Variants in WWC1 observed in about 807,000 individuals in gnomAD.
WWC1 encodes the protein protein KIBRA.
In WWC1, 55 loss-of-function variants were observed where a neutral mutation model predicts 138.4. The ratio of observed to expected loss-of-function variants is 0.40; its 90% CI spans 0.32 to 0.50. The LOEUF is 0.50. Among genes scored for constraint, WWC1 ranks in the 20% least tolerant of loss-of-function variants. The pLI is 0.72. For synonymous variants in WWC1, 524 were observed against 564.9 expected, an observed-to-expected ratio of 0.93 and a Z score of 1.03; for missense variants, 1,226 against 1,420.4, an observed-to-expected ratio of 0.86 and a Z score of 2.20.
At chr5:168,459,807 C>A (rs1295276510) in intron 19 of WWC1, among the ~76,000 whole-genome samples, 2 of 152,154 alleles carry the variant, frequency 1.3e-5, no homozygotes, top group Non-Finnish European at 2.9e-5. Flanking sequence ...GACACACAAG[C>A]ACAATAGCAT....
intron 15 of WWC1, among the ~76,000 whole-genome samples, chr5:168,438,669 G>A (rs1561767135): frequency 6.6e-6 from 1 of 151,866 alleles, no homozygotes; most frequent in Non-Finnish European, 1.5e-5. Context: ...ACACTGGTGT[G>A]TTAGGGGAAG....
At chr5:168,346,173 C>T (rs1231664141) in intron 1 of WWC1, among the ~76,000 whole-genome samples, 2 of 151,870 alleles carry the variant, frequency 1.3e-5, no homozygotes, top group African/African-American at 2.4e-5. Flanking sequence ...TGTCTGATGT[C>T]GAAAGGAAGG....
intron 15 of WWC1, among the ~76,000 whole-genome samples, chr5:168,434,750 G>A (rs1353910142): frequency 2.6e-5 from 4 of 152,048 alleles, no homozygotes; most frequent in Admixed American, 6.6e-5. Flanking sequence ...TCCCAATATC[G>A]CAGGCAACAG....
At chr5:168,369,895 ATTTTTTTTTT>A (rs35999257) in intron 1 of WWC1, among the ~76,000 whole-genome samples, 6 of 89,010 alleles carry the variant, frequency 6.7e-5, no homozygotes, top group African/African-American at 9.6e-5. Context: ...TCATTGTGCA[ATTTTTTTTTT>A]TTTTTTTTTT....
rs1769077409 is a variant in WWC1 at position 168,291,859 on chromosome 5, C to T, written c.-294C>T. On this transcript the variant is annotated 5_prime_UTR_variant, in exon 1 of 23. Transcript: ENST00000265293. ...GGCGGCGGCGGCGGCGCTCGGCTCGCTCTGCCCGGCCGGCTGGGCGCGCAC... is the reference window on the plus strand; with the variant it reads ...GGCGGCGGCGGCGGCGCTCGGCTCGTTCTGCCCGGCCGGCTGGGCGCGCAC... The T allele has an allele frequency of 6.7e-6, 1 of 149,116 alleles. No individual in the cohort carries two copies. Among genetic ancestry groups the T allele is most frequent in the African/African-American group, 2.4e-5 (1 of 40,946 alleles). 9.2% of individuals were successfully genotyped at this position (149,116 alleles called of 1,614,324 possible).
At chr5:168,371,638 C>A in intron 2 of WWC1, 105 bp downstream of exon 2, 1 of 706,908 alleles carries the variant, frequency 1.4e-6, no homozygotes, top group Non-Finnish European at 2.4e-6. Flanking sequence ...CTCTTGGAGC[C>A]AGATTGTATT....
At chr5:168,301,633 C>T (rs79027789) in intron 1 of WWC1, among the ~76,000 whole-genome samples, 40,594 of 144,930 alleles carry the variant, frequency 0.28, 5,868 homozygotes, top group Admixed American at 0.36. Flanking sequence ...AGCAAAACTT[C>T]GTCTCAAAAA....
chr5:168,314,205 G>A (rs1480574279), intron 1 of WWC1, among the ~76,000 whole-genome samples: 3 of 141,444 alleles, frequency 2.1e-5, no homozygotes, highest in Non-Finnish European at 4.7e-5. Flanking sequence ...AGGAACTGGA[G>A]TCTACAATAA....
At chr5:168,441,557 T>A in intron 15 of WWC1, 125 bp from the exon 16 acceptor site, 1 of 904,158 alleles carries the variant, frequency 1.1e-6, no homozygotes, top group Non-Finnish European at 1.6e-6. Flanking sequence ...CCTCTCTTCC[T>A]GCCGGGATGC....
intron 1 of WWC1, among the ~76,000 whole-genome samples, chr5:168,359,311 C>A (rs1775708318): frequency 6.6e-6 from 1 of 152,186 alleles, no homozygotes; most frequent in African/African-American, 2.4e-5. Flanking sequence ...ACCTCAACGT[C>A]CCCAAGTGCT....
In WWC1 at chr5:168,431,405, T is replaced by A; in HGVS notation, c.2241T>A (p.Asp747Glu). ...PALHQKTLRV[D>E]VCTTDRSHLE... The stretch of plus-strand genomic sequence containing the variant: ...TTCACCAGAAGACCTTAAGAGTCGA[T>A]GTCTGTACCACCGACAGGAGCCATC... The change falls in exon 15 of 23, where the codon GAT becomes GAA. Residue 747 changes from aspartate to glutamate, a missense_variant. This residue lies in a region of WWC1 where 1,016 missense variants were observed against 1,153.9 expected (regional missense o/e 0.88). Coordinates refer to ENST00000265293, the MANE Select transcript of WWC1 (RefSeq NM_015238.3). 1 of 1,613,994 alleles carries A rather than the reference T, an allele frequency of 6.2e-7. No individual in the cohort carries two copies. Among genetic ancestry groups the A allele is most frequent in the Admixed American group, 1.7e-5 (1 of 60,022 alleles).
At chr5:168,398,044 G>A (rs1779038607) in intron 4 of WWC1, among the ~76,000 whole-genome samples, 1 of 152,040 alleles carries the variant, frequency 6.6e-6, no homozygotes. Flanking sequence ...GTATTATCTC[G>A]TGTCTATGAA....
At chr5:168,353,178 C>T (rs1368005460) in intron 1 of WWC1, among the ~76,000 whole-genome samples, 2 of 152,040 alleles carry the variant, frequency 1.3e-5, no homozygotes, top group Admixed American at 6.5e-5. Flanking sequence ...TTCCAGGGGG[C>T]CTGGGAAGGT....
At chr5:168,421,884 C>T (rs942290704) in intron 9 of WWC1, 124 bp from the exon 10 acceptor site, 51 of 705,090 alleles carry the variant, frequency 7.2e-5, no homozygotes, top group Admixed American at 1.6e-4. Context: ...CTCTAGCTCC[C>T]CAGATGCCGT....
chr5:168,356,747 C>T (rs943092510), intron 1 of WWC1, among the ~76,000 whole-genome samples: 3 of 152,132 alleles, frequency 2.0e-5, no homozygotes, highest in African/African-American at 7.2e-5. Flanking sequence ...GAGACAGAGG[C>T]CTTGTTTGCT....
chr5:168,314,563 A>G (rs1330532030), intron 1 of WWC1, among the ~76,000 whole-genome samples: 1 of 152,072 alleles, frequency 6.6e-6, no homozygotes, highest in Non-Finnish European at 1.5e-5. Flanking sequence ...GTGAAACTCC[A>G]TCTCAAAAAA....
chr5:168,439,396 G>A (rs1196877856), intron 15 of WWC1, among the ~76,000 whole-genome samples: 2 of 151,872 alleles, frequency 1.3e-5, no homozygotes, highest in Non-Finnish European at 2.9e-5. Context: ...AGGCTGAGGT[G>A]GGTGGATCAC....
intron 11 of WWC1, among the ~76,000 whole-genome samples, chr5:168,427,472 G>C (rs1017833227): frequency 8.6e-5 from 13 of 151,332 alleles, no homozygotes; most frequent in Non-Finnish European, 4.4e-5. Context: ...CAGGCAGTTC[G>C]ACTCAAGAGC....
At chr5:168,437,735 C>T (rs1316410758) in intron 15 of WWC1, among the ~76,000 whole-genome samples, 1 of 152,162 alleles carries the variant, frequency 6.6e-6, no homozygotes, top group Non-Finnish European at 1.5e-5. Flanking sequence ...CCCAGATAAA[C>T]AGTATATCTT....
Sources: gnomAD v4.1 joint callset for allele counts (sites outside exome capture counted in the v4.1 genomes callset) on GRCh38, gnomAD v4.1.1 for gene constraint, gnomAD v4.1.1 regional missense constraint, MANE v1.5 for transcripts, NCBI Gene and HGNC (gene_info 2026-07-23, HGNC 2026-07-21) for gene names.